POMZP3: variants seen among roughly 807,000 people sequenced by gnomAD.
POMZP3 encodes POM121 and ZP3 fusion protein.
POMZP3 carries 10 observed loss-of-function variants against 19.8 expected under a neutral mutation model. That is an observed-to-expected ratio of 0.51 (90% CI 0.31 to 0.86). The LOEUF (loss-of-function observed/expected upper bound fraction) is 0.86, where lower values mean the gene tolerates loss of function less well. Among genes scored for constraint, POMZP3 ranks in the 40% least tolerant of loss-of-function variants. The pLI is 0.04. For synonymous variants in POMZP3, 57 were observed against 85.8 expected (o/e 0.66, Z 1.85); for missense variants, 152 against 228.1 (o/e 0.67, Z 2.15).
intron 3 of POMZP3, among the ~76,000 whole-genome samples, chr7:76,623,576 A>G (rs10255175): frequency 0.17 from 25,681 of 146,902 alleles, 2,438 homozygotes; most frequent in South Asian, 0.26. Flanking sequence ...AGGTGGGTGG[A>G]TCACCTGAGG....
chr7:76,617,037 G>A (rs1233063408), intron 4 of POMZP3, among the ~76,000 whole-genome samples: 1 of 95,836 alleles, frequency 1.0e-5, no homozygotes, highest in East Asian at 2.6e-4. Flanking sequence ...GCGGGTACCT[G>A]TACTCCCAGC....
In POMZP3 at chr7:76,626,817, G is replaced by A. The variant is rs1372629638; in HGVS notation, c.-261C>T. The stretch of plus-strand genomic sequence containing the variant: ...GGCGGTGTGGAGCGCGGCGCCGGGC[G>A]GGCGGGCGGCGGCCAGGCCTATTCC... On this transcript the variant is annotated 5_prime_UTR_variant, in exon 1 of 7. Coordinates refer to ENST00000310842, the MANE Select transcript of POMZP3 (RefSeq NM_012230.5). 8 of 1,385,132 alleles carry A rather than the reference G, an allele frequency of 5.8e-6. 1 individual carries two copies. Among genetic ancestry groups the A allele is most frequent in the South Asian group, 4.7e-5 (3 of 64,070 alleles). The allele number at this position is 1,385,132 out of a possible 1,614,324, so 85.8% of individuals were successfully genotyped here. A position where few individuals can be genotyped will look rare whatever the true frequency, so the allele number is the denominator to read the frequency against.
chr7:76,621,981 T>C (rs1815589539), intron 3 of POMZP3, among the ~76,000 whole-genome samples: 1 of 125,664 alleles, frequency 8.0e-6, no homozygotes, highest in South Asian at 2.9e-4. Context: ...ATAAAACAGG[T>C]TGCAGTGAAG....
chr7:76,619,031 T>A (rs980824347), intron 3 of POMZP3, among the ~76,000 whole-genome samples: 4 of 152,052 alleles, frequency 2.6e-5, no homozygotes, highest in African/African-American at 9.7e-5. Flanking sequence ...CACGCATTCC[T>A]CTTGTCTCAG....
intron 3 of POMZP3, among the ~76,000 whole-genome samples, chr7:76,619,525 G>A (rs1355861747): frequency 6.6e-6 from 1 of 151,030 alleles, no homozygotes; most frequent in African/African-American, 2.4e-5. Context: ...AGTGGCAGGA[G>A]CAGCGGCAGG....
intron 1 of POMZP3, 78 bp downstream of exon 1, chr7:76,626,630 A>C: frequency 1.5e-6 from 2 of 1,301,322 alleles, no homozygotes; most frequent in Non-Finnish European, 2.0e-6. Context: ...TTTGATGAAA[A>C]AGCAAATCGG....
rs185848761 is a variant in POMZP3, at chr7:76,625,621, G to A, written c.128C>T (p.Ala43Val). 1.2e-5 allele frequency: 20 copies of A among 1,613,676 alleles called. No individual in the cohort carries two copies. The African/African-American group carries it at 2.4e-4, about 19-fold the overall frequency. Residue 43 changes from alanine (A) to valine (V), a missense_variant, in exon 3 of 7, where the codon GCA (alanine) becomes GTA (valine). Coordinates refer to ENST00000310842, the MANE Select transcript of POMZP3 (RefSeq NM_012230.5). Reference sequence around the variant, plus strand: ...GAGGGCACTCAGTACAGTCTCCTTTGCACATGGGTCTGGGGCATTACTTGA... The same window carrying A: ...GAGGGCACTCAGTACAGTCTCCTTTACACATGGGTCTGGGGCATTACTTGA... ...SPSSNAPDPCAKETVLSALKE... is the reference protein window; with the variant it reads ...SPSSNAPDPCVKETVLSALKE...
chr7:76,624,178 T>C (rs892924566), intron 3 of POMZP3, among the ~76,000 whole-genome samples: 5 of 131,322 alleles, frequency 3.8e-5, no homozygotes, highest in Admixed American at 7.7e-5. Context: ...TAAGGAAGTG[T>C]AGAAGTTGTG....
Position 76,625,514 on chromosome 7 carries a change from C to T in POMZP3, c.227+8G>A, listed in dbSNP as rs561709953. 2 of 1,612,854 alleles carry T rather than the reference C, an allele frequency of 1.2e-6. No homozygotes were observed. Among genetic ancestry groups the T allele is most frequent in the South Asian group, 1.1e-5 (1 of 91,030 alleles). Reference sequence around the variant, plus strand: ...GAAACTGGCTTAGTACTCTCCTGAGCCTGTTACCTTCTTTTATTTTCCTGG... The same window carrying T: ...GAAACTGGCTTAGTACTCTCCTGAGTCTGTTACCTTCTTTTATTTTCCTGG... On this transcript the variant is annotated splice_region_variant and intron_variant, in intron 3 of 6. Transcript: ENST00000310842.
At position 76,627,182 on chromosome 7, in the gene POMZP3, C is replaced by G. The variant is rs1474897334; in HGVS notation, c.-626G>C. 5.5e-6 allele frequency: 8 copies of G among 1,443,006 alleles called. 1 individual carries two copies. In the East Asian group the frequency reaches 2.2e-4, roughly 40 times the overall value. 89.4% of individuals were successfully genotyped at this position (1,443,006 alleles called of 1,614,324 possible). On this transcript the variant is annotated 5_prime_UTR_variant, in exon 1 of 7. Transcript: ENST00000310842. ...AGCGACAGGCCGAGAAGCGCCGCCC[C>G]GGCCGGCCCTGACACTCGCTATCGG...
At chr7:76,626,371 T>C (rs1815900547) in intron 1 of POMZP3, 156 bp from the exon 2 acceptor site, 2 of 711,950 alleles carry the variant, frequency 2.8e-6, no homozygotes, top group Non-Finnish European at 4.6e-6. Context: ...CTTTCCCCTA[T>C]TCCATCTAAG....
intron 3 of POMZP3, among the ~76,000 whole-genome samples, chr7:76,621,850 G>C (rs1218197412): frequency 2.0e-5 from 3 of 147,746 alleles, no homozygotes; most frequent in African/African-American, 5.0e-5. Context: ...TGAGGCAGGA[G>C]AATGGCGTGA....
rs1280630427 is a variant in POMZP3, at chr7:76,617,015, C to A, written c.345+1168G>T. ...TCTACTAGAAATACAAAAAAATTAG[C>A]CAGGCATGGTGGCGGGTACCTGTAC... On this transcript the variant is annotated intron_variant, in intron 4 of 6. Coordinates refer to ENST00000310842, the MANE Select transcript of POMZP3 (RefSeq NM_012230.5). Among the ~76,000 whole-genome samples the A allele has an allele frequency of 6.3e-5, 6 of 95,352 alleles. 1 individual carries two copies. Among genetic ancestry groups the A allele is most frequent in the Non-Finnish European group, 1.1e-4 (5 of 43,704 alleles). The allele number at this position is 95,352 out of a possible 152,430, so 62.6% of individuals were successfully genotyped here. A position where few individuals can be genotyped will look rare whatever the true frequency, so the allele number is the denominator to read the frequency against.
At chr7:76,624,743 T>G (rs1799237) in intron 3 of POMZP3, among the ~76,000 whole-genome samples, 83,899 of 149,478 alleles carry the variant, frequency 0.56, 23,715 homozygotes, top group Middle Eastern at 0.71. Flanking sequence ...ACCTTGCCCT[T>G]CCAGGAAATT....
intron 3 of POMZP3, among the ~76,000 whole-genome samples, chr7:76,623,077 G>C (rs1815661565): frequency 6.6e-6 from 1 of 151,554 alleles, no homozygotes; most frequent in African/African-American, 2.4e-5. Flanking sequence ...GCACTATGTT[G>C]GCCAGGCTGG....
chr7:76,627,011 G>A lies in POMZP3; in HGVS notation c.-455C>T. The stretch of plus-strand genomic sequence containing the variant: ...GCCGGAGGCGAAGCGAACAGTGTTC[G>A]CCGATGTCGCGCCTTCTGAACGAAG... On this transcript the variant is annotated 5_prime_UTR_variant, in exon 1 of 7. Coordinates refer to ENST00000310842, the MANE Select transcript of POMZP3 (RefSeq NM_012230.5). 7.4e-6 allele frequency: 10 copies of A among 1,344,536 alleles called. No individual in the cohort carries two copies. The South Asian group carries it at 1.5e-4, about 20-fold the overall frequency. The allele number at this position is 1,344,536 out of a possible 1,614,324, so 83.3% of individuals were successfully genotyped here. A position where few individuals can be genotyped will look rare whatever the true frequency, so the allele number is the denominator to read the frequency against.
intron 3 of POMZP3, 161 bp from the exon 4 acceptor site, chr7:76,618,461 A>C (rs766736343): frequency 5.2e-5 from 48 of 926,410 alleles, no homozygotes; most frequent in Non-Finnish European, 7.8e-5. Flanking sequence ...GTCTCTACTA[A>C]AAATACAAAA....
At chr7:76,625,408 C>T in intron 3 of POMZP3, 114 bp downstream of exon 3, 2 of 1,540,584 alleles carry the variant, frequency 1.3e-6, no homozygotes, top group African/African-American at 1.4e-5. Context: ...AAGAAGGAGG[C>T]CTATGAAGGC....
intron 3 of POMZP3, among the ~76,000 whole-genome samples, chr7:76,620,909 C>G (rs1815523185): frequency 8.0e-6 from 1 of 125,762 alleles, no homozygotes; most frequent in Middle Eastern, 5.6e-3. Context: ...CTCTGTGTCG[C>G]CAAGGCTGGA....
Sources: allele counts gnomAD v4.1 joint callset (sites outside exome capture counted in the v4.1 genomes callset), GRCh38; gene constraint gnomAD v4.1.1; transcripts MANE v1.5; gene names NCBI Gene and HGNC (gene_info 2026-07-23, HGNC 2026-07-21).